ENTPD1: variants seen among roughly 807,000 people sequenced by gnomAD.
The protein encoded by ENTPD1 is ectonucleoside triphosphate diphosphohydrolase 1, also known as ATP diphosphohydrolase.
Under a neutral mutation model 57.0 loss-of-function variants are expected in ENTPD1, and 33 were observed. The observed-to-expected ratio is 0.58, with a 90% confidence interval of 0.44 to 0.77. The LOEUF is 0.77. Ranked by LOEUF, ENTPD1 falls within the 30% of genes least tolerant of loss-of-function variation. The pLI, the probability that ENTPD1 is intolerant of heterozygous loss-of-function variation, is 0.00. For missense variants in ENTPD1, 501 were observed against 603.4 expected, an observed-to-expected ratio of 0.83 and a Z score of 1.78; for synonymous variants, 202 against 218.8, an observed-to-expected ratio of 0.92 and a Z score of 0.68.
At chr10:95,783,154 T>G (rs999068830) in intron 1 of ENTPD1, among the ~76,000 whole-genome samples, 1 of 152,082 alleles carries the variant, frequency 6.6e-6, no homozygotes, top group African/African-American at 2.4e-5. Context: ...CTAAATGTAG[T>G]TTTATGAGTA....
intron 1 of ENTPD1, among the ~76,000 whole-genome samples, chr10:95,772,801 A>G (rs1176482257): frequency 6.6e-6 from 1 of 152,254 alleles, no homozygotes; most frequent in Non-Finnish European, 1.5e-5. Context: ...CCCAGGTCCA[A>G]CAGAAAAATC....
In ENTPD1 at chr10:95,875,935, G is replaced by A; in HGVS notation, c.*9552G>A. ...TTCTGGAAGGTACAATTCAAGTTGA[G>A]ATTTGGGTGGGGACACAGCCAAACC... On this transcript the variant is annotated 3_prime_UTR_variant, in exon 10 of 10. Coordinates refer to ENST00000371205, the MANE Select transcript of ENTPD1 (RefSeq NM_001776.6). 1 of 983,082 alleles carries A rather than the reference G, an allele frequency of 1.0e-6. No individual in the cohort carries two copies. The highest frequency in any genetic ancestry group is 1.2e-6 in the Non-Finnish European group (1 of 827,840). The allele number at this position is 983,082 out of a possible 1,614,324, so 60.9% of individuals were successfully genotyped here.
In ENTPD1 at chr10:95,847,623, G is replaced by A. The variant is rs766690702; in HGVS notation, c.991G>A (p.Glu331Lys). The A allele has an allele frequency of 1.2e-6, 2 of 1,613,992 alleles. No homozygotes were observed. Among genetic ancestry groups the A allele is most frequent in the Non-Finnish European group, 1.7e-6 (2 of 1,180,024 alleles). ...TCAACAATGCCATCAAAGCATCCTGGAGCTCTTCAACACCAGTTACTGCCC... is the reference window on the plus strand; with the variant it reads ...TCAACAATGCCATCAAAGCATCCTGAAGCTCTTCAACACCAGTTACTGCCC... ...NYQQCHQSIL[E>K]LFNTSYCPYS... Residue 331 changes from glutamate (E) to lysine (K), a missense_variant, in exon 7 of 10, where the codon GAG becomes AAG. By Grantham distance (56) the Glu-to-Lys change is moderately conservative (BLOSUM62 1). Transcript: ENST00000371205.
At chr10:95,778,986 C>G (rs1162718530) in intron 1 of ENTPD1, among the ~76,000 whole-genome samples, 5 of 152,042 alleles carry the variant, frequency 3.3e-5, no homozygotes, top group Non-Finnish European at 7.4e-5. Flanking sequence ...GGTCATAGAC[C>G]AAAAGTACTG....
upstream of ENTPD1, chr10:95,754,571 A>G (rs560794824): frequency 4.6e-5 from 7 of 152,324 alleles, no homozygotes; most frequent in African/African-American, 1.7e-4. Flanking sequence ...AAACAATAGT[A>G]CAAAGGCAGT....
the ENTPD1 span, among the ~76,000 whole-genome samples, chr10:95,706,329 T>G: frequency 6.6e-6 from 1 of 152,090 alleles, no homozygotes; most frequent in African/African-American, 2.4e-5. Context: ...CCAGGAAGAA[T>G]GAGGTACACA....
intron 1 of ENTPD1, among the ~76,000 whole-genome samples, chr10:95,722,244 T>C (rs901386964): frequency 6.6e-6 from 1 of 151,796 alleles, no homozygotes; most frequent in African/African-American, 2.4e-5. Flanking sequence ...GGTTTTTTTT[T>C]TATTATCCCA....
At chr10:95,742,004 A>G (rs907578400) in intron 1 of ENTPD1, among the ~76,000 whole-genome samples, 1 of 152,158 alleles carries the variant, frequency 6.6e-6, no homozygotes, top group Non-Finnish European at 1.5e-5. Context: ...GTTAACAGCA[A>G]CATAGGAGCT....
At chr10:95,743,314 T>C (rs2098002395) in intron 1 of ENTPD1, among the ~76,000 whole-genome samples, 1 of 152,194 alleles carries the variant, frequency 6.6e-6, no homozygotes, top group Non-Finnish European at 1.5e-5. Flanking sequence ...CAAGGATATG[T>C]GTTATCAACA....
At position 95,711,832 on chromosome 10, in the gene ENTPD1, C is replaced by A. The variant is rs541541403; in HGVS notation, c.-125C>A. The stretch of plus-strand genomic sequence containing the variant: ...ATTTGTATGCCTTTTCTCCTATTAA[C>A]CTGCCTTTTTTGTCAGCGATTGTCA... On this transcript the variant is annotated 5_prime_UTR_variant, in exon 1 of 10. Coordinates refer to the ENTPD1 transcript ENST00000453258. The A allele has an allele frequency of 8.7e-6, 12 of 1,379,448 alleles. No homozygotes were observed. In the South Asian group the frequency reaches 1.2e-4, roughly 13 times the overall value. 85.5% of individuals were successfully genotyped at this position (1,379,448 alleles called of 1,614,324 possible).
At chr10:95,819,464 G>A (rs4918972) in intron 1 of ENTPD1, among the ~76,000 whole-genome samples, 40,899 of 151,984 alleles carry the variant, frequency 0.27, 6,347 homozygotes, top group Admixed American at 0.38. Context: ...GCACCCTGCC[G>A]AGATTAAATA....
At chr10:95,846,259 A>T (rs1193741741) in intron 6 of ENTPD1, 2 of 153,052 alleles carry the variant, frequency 1.3e-5, no homozygotes, top group Non-Finnish European at 2.9e-5. Context: ...CATACCTGTA[A>T]TCCCAGCTAC....
At chr10:95,735,025 A>ATTTTTTTT (rs376795429) in intron 1 of ENTPD1, among the ~76,000 whole-genome samples, 1 of 126,756 alleles carries the variant, frequency 7.9e-6, no homozygotes, top group Non-Finnish European at 1.7e-5. Context: ...ATGAAAATAG[A>ATTTTTTTT]TTTTTTTTTT....
At chr10:95,722,658 AG>A (rs2097978819) in intron 1 of ENTPD1, among the ~76,000 whole-genome samples, 1 of 71,740 alleles carries the variant, frequency 1.4e-5, no homozygotes, top group South Asian at 5.5e-4. Context: ...GGTTGGAGGG[AG>A]GGGGGAGGGT....
intron 1 of ENTPD1, among the ~76,000 whole-genome samples, chr10:95,750,097 G>A (rs894114405): frequency 2.8e-4 from 43 of 152,146 alleles, no homozygotes; most frequent in Non-Finnish European, 2.4e-4. Context: ...TGGATTGTAA[G>A]GAAAGAGGAT....
At chr10:95,805,597 A>G (rs552419504) in intron 1 of ENTPD1, among the ~76,000 whole-genome samples, 2 of 152,254 alleles carry the variant, frequency 1.3e-5, no homozygotes, top group Non-Finnish European at 2.9e-5. Context: ...GATGGTCTTT[A>G]CAATTTGGCA....
At chr10:95,797,402 C>T (rs562992919) in intron 1 of ENTPD1, among the ~76,000 whole-genome samples, 1 of 152,248 alleles carries the variant, frequency 6.6e-6, no homozygotes, top group Non-Finnish European at 1.5e-5. Context: ...GGGGACTTGT[C>T]ATCATAGAGA....
At position 95,826,110 on chromosome 10, in the gene ENTPD1, C is replaced by A. The variant is rs536922562; in HGVS notation, c.144+2746C>A. On this transcript the variant is annotated intron_variant, in intron 2 of 9. Transcript: ENST00000371205. ...CAGTATATAGATATGACTGAGCTTA[C>A]CATCTGGGGAAGCAAACATATTTAA... Among the ~76,000 whole-genome samples the A allele has an allele frequency of 1.4e-4, 21 of 152,212 alleles. No homozygotes were observed. The East Asian group carries it at 4.0e-3, about 29-fold the overall frequency.
intron 1 of ENTPD1, among the ~76,000 whole-genome samples, chr10:95,805,827 C>G (rs1351096586): frequency 6.6e-6 from 1 of 152,200 alleles, no homozygotes; most frequent in African/African-American, 2.4e-5. Context: ...CCCCCATTCT[C>G]TTCTGGCTTG....
Sources: allele counts gnomAD v4.1 joint callset (sites outside exome capture counted in the v4.1 genomes callset), GRCh38; gene constraint gnomAD v4.1.1; transcripts MANE v1.5; gene names NCBI Gene and HGNC (gene_info 2026-07-23, HGNC 2026-07-21).